CDCA5: variants seen among roughly 807,000 people sequenced by gnomAD.
The protein encoded by CDCA5 is sororin.
CDCA5 carries 14 observed loss-of-function variants against 25.7 expected under a neutral mutation model. That is an observed-to-expected ratio of 0.54 (90% confidence interval 0.36 to 0.85). CDCA5 has a LOEUF of 0.85. Among genes scored for constraint, CDCA5 ranks in the 40% least tolerant of loss-of-function variants. The pLI is 0.01. For missense variants in CDCA5, 307 were observed against 324.5 expected (o/e 0.95, Z 0.41); for synonymous variants, 127 against 128.7 (o/e 0.99, Z 0.09).
chr11:65,078,980 T>G lies in CDCA5; in HGVS notation c.*127A>C. ...AGCCCTCAAAGGCAGACAGTCCTCATGCGCAGCACCAGCACACACACAGGT... is the reference window on the plus strand; with the variant it reads ...AGCCCTCAAAGGCAGACAGTCCTCAGGCGCAGCACCAGCACACACACAGGT... On this transcript the variant is annotated 3_prime_UTR_variant, in exon 6 of 6. Transcript: ENST00000275517. 1 of 1,311,968 alleles carries G rather than the reference T, an allele frequency of 7.6e-7. No homozygotes were observed. The allele number at this position is 1,311,968 out of a possible 1,614,324, so 81.3% of individuals were successfully genotyped here.
rs747682447 is a variant in CDCA5, at chr11:65,083,712, G to A, written c.58C>T (p.Pro20Ser). 6.2e-7 allele frequency: 1 copy of A among 1,613,662 alleles called. No homozygotes were observed. The change falls in exon 2 of 6, where the codon CCA becomes TCA. Residue 20 changes from proline (P) to serine (S), a missense_variant. Transcript: ENST00000275517. ...GAAQRSGPRA[P>S]SPTKPLRRSQ... Reference sequence around the variant, plus strand: ...CTCCGCAGAGGCTTAGTAGGAGATGGGGCCCTTGGCCCTGGAAAGAGAAAA... The same window carrying A: ...CTCCGCAGAGGCTTAGTAGGAGATGAGGCCCTTGGCCCTGGAAAGAGAAAA...
downstream of CDCA5, among the ~76,000 whole-genome samples, chr11:65,064,417 C>CA (rs11318233): frequency 0.033 from 2,840 of 86,190 alleles, 103 homozygotes; most frequent in African/African-American, 0.096. Flanking sequence ...GACTCTGTCG[C>CA]AAAAAAAAAA....
At chr11:65,075,806 C>A (rs1449707785), downstream of CDCA5, among the ~76,000 whole-genome samples, 1 of 152,154 alleles carries the variant, frequency 6.6e-6, no homozygotes, top group African/African-American at 2.4e-5. Context: ...AGGAGGCAGT[C>A]CAGAGAGCGA....
chr11:65,074,891 G>A (rs755893512), downstream of CDCA5, among the ~76,000 whole-genome samples: 2 of 151,700 alleles, frequency 1.3e-5, no homozygotes, highest in African/African-American at 4.8e-5. Context: ...GAGAAACCCC[G>A]TCTCTTACTA....
At chr11:65,069,010 C>T (rs938069934) in intron 1 of CDCA5, among the ~76,000 whole-genome samples, 2 of 152,072 alleles carry the variant, frequency 1.3e-5, no homozygotes, top group African/African-American at 2.4e-5. Flanking sequence ...GAGGCCAAGG[C>T]GGGAGGATCG....
At chr11:65,061,914 A>ATTTTTTTTTTTTTTTTTTTTTTTTTTTTT (rs35836447), downstream of CDCA5, among the ~76,000 whole-genome samples, 2 of 82,312 alleles carry the variant, frequency 2.4e-5, 1 homozygote, top group African/African-American at 9.2e-5. Context: ...CAGCTGCCTA[A>ATTTTTTTTTTTTTTTTTTTTTTTTTTTTT]TTTTTTTTTT....
chr11:65,067,253 A>G (rs1565265239), intron 4 of CDCA5, among the ~76,000 whole-genome samples: 1 of 152,212 alleles, frequency 6.6e-6, no homozygotes, highest in Non-Finnish European at 1.5e-5. Context: ...CTGTGGCTCC[A>G]GGCCAGTGAC....
At chr11:65,067,449 G>A (rs1332874727) in intron 4 of CDCA5, among the ~76,000 whole-genome samples, 1 of 152,198 alleles carries the variant, frequency 6.6e-6, no homozygotes, top group Admixed American at 6.5e-5. Flanking sequence ...CCATGGGATT[G>A]TGTGGACCCC....
intron 4 of CDCA5, 76 bp from the exon 5 acceptor site, chr11:65,079,863 C>A: frequency 8.5e-7 from 1 of 1,178,004 alleles, no homozygotes; most frequent in Non-Finnish European, 1.1e-6. Flanking sequence ...CGAGAAGATT[C>A]AGGGTGGAAA....
At chr11:65,079,847 A>G in intron 4 of CDCA5, 60 bp from the exon 5 acceptor site, 1 of 1,318,874 alleles carries the variant, frequency 7.6e-7, no homozygotes, top group South Asian at 2.0e-5. Context: ...TACTTCCAGA[A>G]AAGCCCGAGA....
chr11:65,070,614 G>T (rs181326783), intron 1 of CDCA5, among the ~76,000 whole-genome samples: 27 of 152,206 alleles, frequency 1.8e-4, no homozygotes, highest in Admixed American at 5.9e-4. Context: ...CTCCTGAGTA[G>T]CTACAACTGC....
At chr11:65,067,346 G>T (rs1043990635) in intron 4 of CDCA5, among the ~76,000 whole-genome samples, 7 of 152,178 alleles carry the variant, frequency 4.6e-5, no homozygotes, top group Non-Finnish European at 1.0e-4. Flanking sequence ...CAGGTCTATG[G>T]CCTGGAAGCC....
At position 65,079,687 on chromosome 11, in the gene CDCA5, G is replaced by A. The variant is rs1436851156; in HGVS notation, c.344C>T (p.Thr115Ile). ...THSVPATPTS[T>I]PVPNPEAESS... ...CTCGGCCTCAGGGTTCGGCACAGGA[G>A]TGCTGGTGGGGGTGGCAGGGACGCT... The change falls in exon 5 of 6, where the codon ACT becomes ATT. Residue 115 changes from threonine (T) to isoleucine (I), a missense_variant. Transcript: ENST00000275517. 2.5e-6 allele frequency: 4 copies of A among 1,589,932 alleles called. No individual in the cohort carries two copies. Among genetic ancestry groups the A allele is most frequent in the Non-Finnish European group, 3.4e-6 (4 of 1,166,326 alleles).
chr11:65,070,356 G>C (rs1202363042), intron 1 of CDCA5, among the ~76,000 whole-genome samples: 1 of 152,176 alleles, frequency 6.6e-6, no homozygotes, highest in African/African-American at 2.4e-5. Flanking sequence ...ATGAGACCCT[G>C]TCACACCACA....
downstream of CDCA5, among the ~76,000 whole-genome samples, chr11:65,072,938 CTTTTTTTTTTT>C (rs751923442): frequency 5.0e-5 from 5 of 99,960 alleles, no homozygotes; most frequent in Non-Finnish European, 8.0e-5. Context: ...TTATTTCATT[CTTTTTTTTTTT>C]TTTTTTTTTT....
At chr11:65,071,178 A>G (rs1422016524) in intron 1 of CDCA5, among the ~76,000 whole-genome samples, 9 of 151,318 alleles carry the variant, frequency 5.9e-5, no homozygotes, top group South Asian at 2.1e-4. Flanking sequence ...TCCTGACCTC[A>G]TGATCTGCCC....
At chr11:65,061,628 A>T (rs544601576), downstream of CDCA5, among the ~76,000 whole-genome samples, 1 of 151,940 alleles carries the variant, frequency 6.6e-6, no homozygotes, top group Admixed American at 6.5e-5. Context: ...CAAAAAAATT[A>T]GCCGGGCGTG....
Position 65,071,117 on chromosome 11 carries a change from AT to A in CDCA5, c.64-2517del, listed in dbSNP as rs563250636. ...CCACCACACCCGGCTAATTTTTTGT[AT>A]TTTTTAGTAGAGACGGGGTTTCACC... On this transcript the variant is annotated intron_variant, in intron 1 of 6. Transcript: ENST00000525464. Among the ~76,000 whole-genome samples the A allele has an allele frequency of 9.5e-4, 143 of 149,936 alleles. No individual in the cohort carries two copies. In the South Asian group the frequency reaches 0.024, roughly 26 times the overall value.
chr11:65,081,959 G>A (rs958104317), intron 4 of CDCA5, among the ~76,000 whole-genome samples: 2 of 152,214 alleles, frequency 1.3e-5, no homozygotes, highest in African/African-American at 4.8e-5. Flanking sequence ...CCTATCTTTA[G>A]AACTGGTAAG....
Sources: gnomAD v4.1 joint callset for allele counts (sites outside exome capture counted in the v4.1 genomes callset) on GRCh38, gnomAD v4.1.1 for gene constraint, MANE v1.5 for transcripts, NCBI Gene and HGNC (gene_info 2026-07-23, HGNC 2026-07-21) for gene names.